MRPL46: variants seen among roughly 807,000 people sequenced by gnomAD.
MRPL46 encodes the protein mitochondrial ribosomal protein L46, also known as large ribosomal subunit protein mL46.
In MRPL46, 26 loss-of-function variants were observed where a neutral mutation model predicts 31.0. The observed-to-expected ratio is 0.84, with a 90% CI of 0.61 to 1.16. The LOEUF (loss-of-function observed/expected upper bound fraction) is 1.16, where lower values mean the gene tolerates loss of function less well. Ranked by LOEUF, MRPL46 falls within the 50% of genes most tolerant of loss-of-function variation. The probability of loss-of-function intolerance (pLI) is 0.00; values close to 1 mark genes in which losing one functional copy is unlikely to be tolerated. For synonymous variants in MRPL46, 159 were observed against 141.3 expected (o/e 1.13, Z -0.89); for missense variants, 395 against 340.0 (o/e 1.16, Z -1.27).
At chr15:88,464,369 G>C (rs1022401835) in intron 3 of MRPL46, 1 of 274,512 alleles carries the variant, frequency 3.6e-6, no homozygotes, top group African/African-American at 2.3e-5. Flanking sequence ...GAGGTTTCAA[G>C]TTGAGTGAAC....
intron 3 of MRPL46, chr15:88,462,201 T>C (rs936882883): frequency 2.0e-5 from 3 of 151,478 alleles, no homozygotes; most frequent in Admixed American, 2.0e-4. Context: ...AATTTATAGA[T>C]AGTGTGAGCT....
chr15:88,460,760 G>C (rs2055471245), intron 3 of MRPL46: 2 of 151,712 alleles, frequency 1.3e-5, no homozygotes, highest in South Asian at 4.1e-4. Context: ...TCCCAAGACA[G>C]AGTCTCGCTT....
At chr15:88,460,124 G>A (rs1457709056) in intron 3 of MRPL46, 3 of 474,496 alleles carry the variant, frequency 6.3e-6, no homozygotes, top group Non-Finnish European at 1.1e-5. Flanking sequence ...CAGCAACACA[G>A]TTACAATCAC....
At chr15:88,464,970 C>T in intron 2 of MRPL46, 94 bp from the exon 3 acceptor site, 2 of 1,441,548 alleles carry the variant, frequency 1.4e-6, no homozygotes, top group Non-Finnish European at 1.9e-6. Context: ...GATCCACAAT[C>T]CTTGCCCTCA....
In MRPL46 at chr15:88,459,808, G is replaced by C; in HGVS notation, c.645C>G (p.Phe215Leu). ...LGNAPCGHYT[F>L]KFPQAMRTES... ...CTGTCCGCATTGCCTGGGGGAACTT[G>C]AATGTGTAGTGCCCACAGGGTGCAT... Residue 215 changes from phenylalanine (F) to leucine (L), a missense_variant, in exon 4 of 4, where the codon TTC becomes TTG. Phe to Leu is a conservative substitution (Grantham distance 22). Transcript: ENST00000312475. The C allele has an allele frequency of 6.2e-7, 1 of 1,614,214 alleles. No homozygotes were observed. Among genetic ancestry groups the C allele is most frequent in the Non-Finnish European group, 8.5e-7 (1 of 1,180,028 alleles).
rs1325387091 is a variant in MRPL46, at chr15:88,463,789, T to C, written c.589+914A>G. ...GTTTGTTAAGTTAGAACTTGAATTT[T>C]ACATTAATGAACAGCAAGACGGCAG... On this transcript the variant is annotated intron_variant, in intron 3 of 3. Coordinates refer to ENST00000312475, the MANE Select transcript of MRPL46 (RefSeq NM_022163.4). This position sits in a 1 kb window ranked among gnomAD's most constrained non-coding sequence, Gnocchi z 5.4. The C allele has an allele frequency of 6.6e-6, 1 of 152,222 alleles. No homozygotes were observed. The highest frequency in any genetic ancestry group is 6.5e-5 in the Admixed American group (1 of 15,288). The allele number at this position is 152,222 out of a possible 1,614,324, so 9.4% of individuals were successfully genotyped here. A position where few individuals can be genotyped will look rare whatever the true frequency, so the allele number is the denominator to read the frequency against.
intron 3 of MRPL46, chr15:88,462,793 C>A (rs763649140): frequency 5.9e-5 from 9 of 152,234 alleles, no homozygotes; most frequent in Non-Finnish European, 1.3e-4. Context: ...TATACTCTTA[C>A]ATTGCTTGAG....
At chr15:88,462,904 T>C (rs370691098) in intron 3 of MRPL46, 1 of 152,384 alleles carries the variant, frequency 6.6e-6, no homozygotes. Context: ...TGTGTTTTAA[T>C]ATATTTGATA....
Position 88,465,985 on chromosome 15 carries a change from A to G in MRPL46, c.229-212T>C, listed in dbSNP as rs959215004. Among the ~76,000 whole-genome samples, 10 of 152,348 alleles carry G rather than the reference A, an allele frequency of 6.6e-5. No individual in the cohort carries two copies. In the South Asian group the frequency reaches 1.9e-3, roughly 28 times the overall value. The stretch of plus-strand genomic sequence containing the variant: ...CTTTGGGCTTGAGTTACATTTGCCA[A>G]AAATGTTACAATGTCACTGGGGGTC... On this transcript the variant is annotated intron_variant, in intron 1 of 3. Transcript: ENST00000312475.
intron 3 of MRPL46, chr15:88,460,207 A>ATC (rs201781802): frequency 7.8e-5 from 19 of 242,686 alleles, no homozygotes; most frequent in African/African-American, 6.8e-4. Flanking sequence ...CCCAGTCGCT[A>ATC]TGCTGGCGAA....
At position 88,459,558 on chromosome 15, in the gene MRPL46, C is replaced by T; in HGVS notation, c.*55G>A. On this transcript the variant is annotated 3_prime_UTR_variant, in exon 4 of 4. Transcript: ENST00000312475. ...AAATGTGAGGCAATCACACAATGTC[C>T]TTGAGGCTCTAATCCCAGACTTGTC... 3 of 1,607,128 alleles carry T rather than the reference C, an allele frequency of 1.9e-6. No homozygotes were observed. The highest frequency in any genetic ancestry group is 2.2e-5 in the East Asian group (1 of 44,818).
At position 88,464,882 on chromosome 15, in the gene MRPL46, G is replaced by T. The variant is rs2055509276; in HGVS notation, c.416-6C>A. The T allele has an allele frequency of 6.2e-7, 1 of 1,612,960 alleles. No homozygotes were observed. Among genetic ancestry groups the T allele is most frequent in the South Asian group, 1.1e-5 (1 of 90,954 alleles). ...GTCATTCTTTTCATCAGCTTCTACA[G>T]CAAAGGGGGTCAGAGGAGGTAAGAA... On this transcript the variant is annotated splice_polypyrimidine_tract_variant and splice_region_variant and intron_variant, in intron 2 of 3. Coordinates refer to ENST00000312475, the MANE Select transcript of MRPL46 (RefSeq NM_022163.4).
chr15:88,459,480 G>A lies in MRPL46; in HGVS notation c.*133C>T, dbSNP rs1191883328. The stretch of plus-strand genomic sequence containing the variant: ...GGGCAAATCAGCTGAGACCAACACA[G>A]TAATAGACTCGTTTATTTCTCAGAA... On this transcript the variant is annotated 3_prime_UTR_variant, in exon 4 of 4. Transcript: ENST00000312475. 2.2e-6 allele frequency: 3 copies of A among 1,377,798 alleles called. No homozygotes were observed. The highest frequency in any genetic ancestry group is 2.0e-6 in the Non-Finnish European group (2 of 1,009,102). The allele number at this position is 1,377,798 out of a possible 1,614,324, so 85.3% of individuals were successfully genotyped here.
In MRPL46 at chr15:88,465,702, C is replaced by G; in HGVS notation, c.300G>C (p.Lys100Asn). The G allele has an allele frequency of 6.2e-7, 1 of 1,614,038 alleles. No homozygotes were observed. Among genetic ancestry groups the G allele is most frequent in the Non-Finnish European group, 8.5e-7 (1 of 1,180,026 alleles). Residue 100 changes from lysine (K) to asparagine (N), a missense_variant, in exon 2 of 4, where the codon AAG (lysine) becomes AAC (asparagine). By Grantham distance (94) the Lys-to-Asn change is moderately conservative. Coordinates refer to ENST00000312475, the MANE Select transcript of MRPL46 (RefSeq NM_022163.4). ...RALDENQRLA[K>N]KKADLHDEED... ...CTTCATCATGAAGGTCAGCTTTCTT[C>G]TTTGCCAGTCGCTGGTTTTCATCCA...
At position 88,464,883 on chromosome 15, in the gene MRPL46, C is replaced by T; in HGVS notation, c.416-7G>A. 2 of 1,613,012 alleles carry T rather than the reference C, an allele frequency of 1.2e-6. No individual in the cohort carries two copies. Among genetic ancestry groups the T allele is most frequent in the Non-Finnish European group, 1.7e-6 (2 of 1,179,450 alleles). On this transcript the variant is annotated splice_polypyrimidine_tract_variant and splice_region_variant and intron_variant, in intron 2 of 3. Coordinates refer to ENST00000312475, the MANE Select transcript of MRPL46 (RefSeq NM_022163.4). ...TCATTCTTTTCATCAGCTTCTACAGCAAAGGGGGTCAGAGGAGGTAAGAAG... is the reference window on the plus strand; with the variant it reads ...TCATTCTTTTCATCAGCTTCTACAGTAAAGGGGGTCAGAGGAGGTAAGAAG...
At chr15:88,461,073 A>T (rs1163797627) in intron 3 of MRPL46, 1 of 152,238 alleles carries the variant, frequency 6.6e-6, no homozygotes, top group Non-Finnish European at 1.5e-5. Context: ...ATGCTTTCTT[A>T]AACCTTAAGA....
intron 3 of MRPL46, chr15:88,460,708 A>G (rs1007278581): frequency 6.6e-6 from 1 of 152,190 alleles, no homozygotes; most frequent in African/African-American, 2.4e-5. Flanking sequence ...TGGTTGTTTC[A>G]TGGACATTTA....
intron 3 of MRPL46, chr15:88,464,004 A>G (rs966283661): frequency 1.3e-5 from 2 of 152,236 alleles, no homozygotes; most frequent in African/African-American, 4.8e-5. Flanking sequence ...ATCTAATTCA[A>G]TAGCTCAGTA....
chr15:88,461,133 G>C (rs758464631), intron 3 of MRPL46: 2 of 152,028 alleles, frequency 1.3e-5, no homozygotes, highest in African/African-American at 2.4e-5. Flanking sequence ...AAATTTTTAA[G>C]CCCAAAAAAC....
Sources: allele counts gnomAD v4.1 joint callset (sites outside exome capture counted in the v4.1 genomes callset), GRCh38; gene constraint gnomAD v4.1.1; non-coding constraint Gnocchi (gnomAD v3.1); transcripts MANE v1.5; gene names NCBI Gene and HGNC (gene_info 2026-07-23, HGNC 2026-07-21).